DDR2: variants seen among roughly 807,000 people sequenced by gnomAD.
DDR2 encodes discoidin domain receptor tyrosine kinase 2.
Under a neutral mutation model 94.9 loss-of-function variants are expected in DDR2, and 27 were observed. The ratio of observed to expected loss-of-function variants is 0.28; its 90% CI spans 0.21 to 0.39. The LOEUF is 0.39. Among genes scored for constraint, DDR2 ranks in the 10% least tolerant of loss-of-function variants. The pLI, the probability that DDR2 is intolerant of heterozygous loss-of-function variation, is 1.00. For synonymous variants in DDR2, 382 were observed against 377.2 expected, an observed-to-expected ratio of 1.01 and a Z score of -0.15; for missense variants, 783 against 1,076.0, an observed-to-expected ratio of 0.73 and a Z score of 3.81.
intron 3 of DDR2, among the ~76,000 whole-genome samples, chr1:162,747,590 A>T (rs1662948334): frequency 6.6e-6 from 1 of 152,246 alleles, no homozygotes; most frequent in Admixed American, 6.5e-5. Context: ...GGTATTATCC[A>T]GGAGAACTTC....
chr1:162,635,149 A>G (rs764479147), intron 1 of DDR2, among the ~76,000 whole-genome samples: 6 of 152,136 alleles, frequency 3.9e-5, no homozygotes, highest in Non-Finnish European at 8.8e-5. Context: ...TCACCTGCTT[A>G]TTCTCCCCTA....
At chr1:162,641,643 G>A (rs1657131720) in intron 1 of DDR2, among the ~76,000 whole-genome samples, 1 of 152,132 alleles carries the variant, frequency 6.6e-6, no homozygotes, top group Non-Finnish European at 1.5e-5. Context: ...AAAATTTTTA[G>A]AGGGCAGTAA....
intron 2 of DDR2, among the ~76,000 whole-genome samples, chr1:162,714,670 A>G (rs542022865): frequency 2.0e-5 from 3 of 151,734 alleles, no homozygotes; most frequent in East Asian, 3.9e-4. Context: ...CTGTTACATT[A>G]CTCTATTTTA....
chr1:162,639,606 G>A (rs1345052115), intron 1 of DDR2, among the ~76,000 whole-genome samples: 2 of 152,162 alleles, frequency 1.3e-5, no homozygotes, highest in African/African-American at 4.8e-5. Context: ...AGCACCAAAG[G>A]CACTATCTGT....
Position 162,741,194 on chromosome 1 carries a change from T to TAATACAATAC in DDR2, c.83-11891_83-11882dup, listed in dbSNP as rs201436659. 4.2e-3 allele frequency among the ~76,000 whole-genome samples: 323 copies of TAATACAATAC among 77,470 alleles called. 4 individuals carry two copies. Among genetic ancestry groups the TAATACAATAC allele is most frequent in the African/African-American group, 6.5e-3 (148 of 22,862 alleles). The allele number at this position is 77,470 out of a possible 152,430, so 50.8% of individuals were successfully genotyped here. ...TAATATAATATAATATAACATAACA[T>TAATACAATAC]AATACAATACAATACAATATAATAT... On this transcript the variant is annotated intron_variant, in intron 3 of 17. Transcript: ENST00000367921.
At chr1:162,703,335 A>T (rs1660514563) in intron 2 of DDR2, among the ~76,000 whole-genome samples, 1 of 152,224 alleles carries the variant, frequency 6.6e-6, no homozygotes, top group Non-Finnish European at 1.5e-5. Flanking sequence ...TGTTATCAAC[A>T]TCAATGAGGA....
chr1:162,728,618 G>T (rs1414646738), intron 3 of DDR2, among the ~76,000 whole-genome samples: 4 of 152,130 alleles, frequency 2.6e-5, no homozygotes, highest in Non-Finnish European at 5.9e-5. Flanking sequence ...TTCCCAGAGT[G>T]CAGGTTCCTT....
chr1:162,652,271 T>G (rs971025019), intron 1 of DDR2, among the ~76,000 whole-genome samples: 12 of 152,204 alleles, frequency 7.9e-5, no homozygotes, highest in Non-Finnish European at 1.6e-4. Flanking sequence ...GTATGCCTTA[T>G]GGACCTACAA....
intron 3 of DDR2, among the ~76,000 whole-genome samples, chr1:162,739,197 G>T (rs371937013): frequency 3.5e-5 from 5 of 141,248 alleles, no homozygotes; most frequent in South Asian, 5.0e-4. Flanking sequence ...GAAAATTTTC[G>T]CAACCTACTC....
At chr1:162,660,559 T>C (rs1271575376) in intron 2 of DDR2, among the ~76,000 whole-genome samples, 3 of 152,208 alleles carry the variant, frequency 2.0e-5, no homozygotes, top group East Asian at 1.9e-4. Flanking sequence ...ATGTAATGTA[T>C]ACACATCACC....
At chr1:162,710,355 G>C (rs1344754586) in intron 2 of DDR2, among the ~76,000 whole-genome samples, 1 of 152,114 alleles carries the variant, frequency 6.6e-6, no homozygotes. Flanking sequence ...TGGGCCTTTG[G>C]CTCCACACTG....
chr1:162,650,624 C>A (rs150961163), intron 1 of DDR2, among the ~76,000 whole-genome samples: 140 of 152,166 alleles, frequency 9.2e-4, no homozygotes, highest in African/African-American at 3.2e-3. Context: ...AAATAAATAA[C>A]TATGTGCTCC....
intron 3 of DDR2, among the ~76,000 whole-genome samples, chr1:162,729,124 G>T (rs1661868363): frequency 6.6e-6 from 1 of 150,680 alleles, no homozygotes. Flanking sequence ...GAGGAAGAAA[G>T]AGAAAAAAAC....
At chr1:162,690,280 G>A (rs551801650) in intron 2 of DDR2, among the ~76,000 whole-genome samples, 5 of 152,198 alleles carry the variant, frequency 3.3e-5, no homozygotes, top group Middle Eastern at 3.4e-3. Flanking sequence ...TGGGGCTGGC[G>A]TAGAAACCCA....
chr1:162,758,790 G>A (rs1047599638), intron 7 of DDR2, among the ~76,000 whole-genome samples: 6 of 152,094 alleles, frequency 3.9e-5, no homozygotes, highest in Non-Finnish European at 7.3e-5. Flanking sequence ...AACCTCAAGG[G>A]TCACACCAAT....
chr1:162,683,013 C>T (rs1374307279), intron 2 of DDR2, among the ~76,000 whole-genome samples: 4 of 152,122 alleles, frequency 2.6e-5, no homozygotes, highest in African/African-American at 4.8e-5. Context: ...AAATTGAATA[C>T]AACCATGTAC....
At chr1:162,770,167 G>T (rs969548175) in intron 11 of DDR2, 135 bp from the exon 12 acceptor site, 2 of 849,020 alleles carry the variant, frequency 2.4e-6, no homozygotes, top group African/African-American at 3.3e-5. Context: ...TGCATTCCTA[G>T]CACGTGCAGT....
At chr1:162,654,755 G>A (rs1388261599) in intron 1 of DDR2, among the ~76,000 whole-genome samples, 1 of 152,116 alleles carries the variant, frequency 6.6e-6, no homozygotes, top group African/African-American at 2.4e-5. Flanking sequence ...GTACGGTGGA[G>A]TTTTCCAGAG....
At chr1:162,631,946 A>T (rs1468345619), upstream of DDR2, 1 of 151,780 alleles carries the variant, frequency 6.6e-6, no homozygotes, top group South Asian at 2.1e-4. Context: ...GTGGGAAGGG[A>T]TTAAATCAAA....
Sources: gnomAD v4.1 joint callset for allele counts (sites outside exome capture counted in the v4.1 genomes callset) on GRCh38, gnomAD v4.1.1 for gene constraint, MANE v1.5 for transcripts, NCBI Gene and HGNC (gene_info 2026-07-23, HGNC 2026-07-21) for gene names.